REV3L: variants seen among roughly 807,000 people sequenced by gnomAD.
REV3L encodes the protein DNA polymerase zeta catalytic subunit.
REV3L carries 69 observed loss-of-function variants against 299.4 expected under a neutral mutation model. The observed-to-expected ratio is 0.23, with a 90% CI of 0.19 to 0.28. The LOEUF is 0.28. REV3L is among the 10% of genes least tolerant of loss of function. The probability of loss-of-function intolerance (pLI) is 1.00; values close to 1 mark genes in which losing one functional copy is unlikely to be tolerated. For synonymous variants in REV3L, 1,238 were observed against 1,271.4 expected, an observed-to-expected ratio of 0.97 and a Z score of 0.56; for missense variants, 3,128 against 3,693.8, an observed-to-expected ratio of 0.85 and a Z score of 3.97.
intron 20 of REV3L, among the ~76,000 whole-genome samples, chr6:111,346,399 T>C (rs577721601): frequency 6.6e-6 from 1 of 152,254 alleles, no homozygotes; most frequent in Non-Finnish European, 1.5e-5. Context: ...TCAAAGTCCA[T>C]AAGGAAACTG....
At chr6:111,387,560 T>C (rs772675039) in intron 9 of REV3L, among the ~76,000 whole-genome samples, 2 of 152,148 alleles carry the variant, frequency 1.3e-5, no homozygotes, top group Non-Finnish European at 1.5e-5. Flanking sequence ...TATAAAATTA[T>C]ATATGGTAAC....
chr6:111,324,805 AT>A lies in REV3L; in HGVS notation c.8242-2128del, dbSNP rs376409613. Among the ~76,000 whole-genome samples, 64 of 152,204 alleles carry A rather than the reference AT, an allele frequency of 4.2e-4. No individual in the cohort carries two copies. In the East Asian group the frequency reaches 0.011, roughly 26 times the overall value. On this transcript the variant is annotated intron_variant, in intron 25 of 31. Transcript: ENST00000368802. Reference sequence around the variant, plus strand: ...TACTTCATTAAAGGGCTAAGAGAGGATTTAAAAGAGGAAAAGAAATGGTTTC... The same window carrying A: ...TACTTCATTAAAGGGCTAAGAGAGGATTAAAAGAGGAAAAGAAATGGTTTC...
intron 4 of REV3L, among the ~76,000 whole-genome samples, chr6:111,400,099 TC>T (rs1371611190): frequency 6.6e-6 from 1 of 152,232 alleles, no homozygotes; most frequent in African/African-American, 2.4e-5. Flanking sequence ...AATTGTTTGT[TC>T]CTTTTTATCA....
At chr6:111,303,868 A>C (rs113648982) in intron 31 of REV3L, among the ~76,000 whole-genome samples, 1,833 of 151,082 alleles carry the variant, frequency 0.012, 30 homozygotes, top group African/African-American at 0.043. Flanking sequence ...TACAAGGCTC[A>C]TGCCACCATG....
rs755498384 is a variant in REV3L at position 111,307,574 on chromosome 6, T to C, written c.9043-4A>G. 1.9e-6 allele frequency: 3 copies of C among 1,613,976 alleles called. No individual in the cohort carries two copies. The African/African-American group carries it at 4.0e-5, about 22-fold the overall frequency. On this transcript the variant is annotated splice_polypyrimidine_tract_variant and splice_region_variant and intron_variant, in intron 30 of 31. Coordinates refer to ENST00000368802, the MANE Select transcript of REV3L (RefSeq NM_001372078.1). ...AGGAGCTGGTAGCTTTATGGATCTA[T>C]AAAAACATCCATTCAGAAGTAAGCC...
At chr6:111,342,412 T>TA (rs1297102476) in intron 21 of REV3L, among the ~76,000 whole-genome samples, 1 of 152,128 alleles carries the variant, frequency 6.6e-6, no homozygotes, top group African/African-American at 2.4e-5. Flanking sequence ...CTCATGCCTG[T>TA]AATCCCAGCA....
chr6:111,440,587 C>A (rs936298854), intron 1 of REV3L, among the ~76,000 whole-genome samples: 3 of 152,178 alleles, frequency 2.0e-5, no homozygotes, highest in African/African-American at 7.2e-5. Context: ...TAAGCTATAA[C>A]TGAATGCATT....
At chr6:111,450,062 A>G (rs1236932065) in intron 1 of REV3L, among the ~76,000 whole-genome samples, 1 of 152,256 alleles carries the variant, frequency 6.6e-6, no homozygotes, top group Non-Finnish European at 1.5e-5. Flanking sequence ...AAATAAATGA[A>G]GAGGAAAAAT....
rs575474792 is a variant in REV3L at position 111,382,574 on chromosome 6, C to T, written c.1097-1130G>A. 7.6e-4 allele frequency among the ~76,000 whole-genome samples: 115 copies of T among 152,282 alleles called. 1 individual carries two copies. Among genetic ancestry groups the T allele is most frequent in the African/African-American group, 2.7e-3 (111 of 41,560 alleles). ...CCCAGCCAGAGGGAAACTGCCCATC[C>T]CAGCAGTCCAGAACCTGAGTTGCAG... On this transcript the variant is annotated intron_variant, in intron 9 of 31. Coordinates refer to ENST00000368802, the MANE Select transcript of REV3L (RefSeq NM_001372078.1).
chr6:111,344,972 C>T (rs1335296710), intron 20 of REV3L, among the ~76,000 whole-genome samples: 1 of 152,168 alleles, frequency 6.6e-6, no homozygotes, highest in Admixed American at 6.5e-5. Context: ...AACAATGGCA[C>T]TACAATGCAG....
At chr6:111,419,887 C>G (rs1221850045) in intron 1 of REV3L, among the ~76,000 whole-genome samples, 3 of 152,054 alleles carry the variant, frequency 2.0e-5, no homozygotes, top group Admixed American at 2.0e-4. Context: ...CTCTGTCACC[C>G]AGGCTGGAGT....
intron 24 of REV3L, 102 bp downstream of exon 24, chr6:111,331,574 G>A (rs191453898): frequency 7.6e-5 from 49 of 644,692 alleles, no homozygotes; most frequent in African/African-American, 3.4e-4. Context: ...AAGCAAACTC[G>A]GTGTTTTTGT....
In REV3L at chr6:111,483,154, G is replaced by C; in HGVS notation, c.-266C>G. The stretch of plus-strand genomic sequence containing the variant: ...TGGTGCTGCCGCCACTGCCGCCACC[G>C]CCGGGAATCACACGGGCTCCTCGGT... On this transcript the variant is annotated 5_prime_UTR_variant, in exon 1 of 32. Coordinates refer to ENST00000368802, the MANE Select transcript of REV3L (RefSeq NM_001372078.1). The C allele has an allele frequency of 2.0e-6, 1 of 488,904 alleles. No individual in the cohort carries two copies. The highest frequency in any genetic ancestry group is 3.5e-6 in the Non-Finnish European group (1 of 282,348). 30.3% of individuals were successfully genotyped at this position (488,904 alleles called of 1,614,324 possible).
intron 31 of REV3L, among the ~76,000 whole-genome samples, chr6:111,303,893 G>T (rs535943875): frequency 1.7e-4 from 26 of 150,578 alleles, no homozygotes; most frequent in Admixed American, 1.3e-3. Context: ...GCTAATTTTT[G>T]TATTTTTTAG....
At chr6:111,425,046 A>T (rs1786006059) in intron 1 of REV3L, among the ~76,000 whole-genome samples, 1 of 152,168 alleles carries the variant, frequency 6.6e-6, no homozygotes, top group South Asian at 2.1e-4. Flanking sequence ...CCTCTGGTTG[A>T]TCTTGAGGCT....
chr6:111,400,907 G>A (rs1783022856), intron 4 of REV3L, among the ~76,000 whole-genome samples: 1 of 152,158 alleles, frequency 6.6e-6, no homozygotes. Context: ...CGTATAAGGT[G>A]TGAAGAACAT....
In REV3L at chr6:111,375,416, A is replaced by G; in HGVS notation, c.2939T>C (p.Ile980Thr). The G allele has an allele frequency of 6.3e-7, 1 of 1,598,588 alleles. No individual in the cohort carries two copies. The highest frequency in any genetic ancestry group is 8.5e-7 in the Non-Finnish European group (1 of 1,175,196). Residue 980 changes from isoleucine (I) to threonine (T), a missense_variant, in exon 13 of 32, where the codon ATT becomes ACT. Physicochemically the swap from Ile to Thr is moderately conservative, Grantham distance 89. This residue lies in a region of REV3L where 2,409 missense variants were observed against 2,611.8 expected (regional missense o/e 0.92). Transcript: ENST00000368802. ...KLPPVIIKYI[I>T]INRFRGRKNM... ...TTTTCTCCCTCTAAATCTATTAATA[A>G]TAATATACTTTATGATGACAGGGGG...
At chr6:111,440,112 G>A (rs548864738) in intron 1 of REV3L, among the ~76,000 whole-genome samples, 4 of 152,160 alleles carry the variant, frequency 2.6e-5, no homozygotes, top group Admixed American at 2.6e-4. Context: ...TGTTGCCCAG[G>A]CTGGAGTACA....
Position 111,373,581 on chromosome 6 carries a change from TTTG to T in REV3L, c.4771_4773del (p.Gln1591del). On this transcript the variant is annotated inframe_deletion, in exon 13 of 32. Transcript: ENST00000368802. Reference sequence around the variant, plus strand: ...TTGAGAAGTTTGGGGATTTTTTCTTTTTGTTTTGTACTTCTGGGAGTTCGAGGT... The same window carrying T: ...TTGAGAAGTTTGGGGATTTTTTCTTTTTTTGTACTTCTGGGAGTTCGAGGT... The T allele has an allele frequency of 6.2e-7, 1 of 1,614,004 alleles. No homozygotes were observed. The highest frequency in any genetic ancestry group is 8.5e-7 in the Non-Finnish European group (1 of 1,179,976).
Sources: gnomAD v4.1 joint callset for allele counts (sites outside exome capture counted in the v4.1 genomes callset) on GRCh38, gnomAD v4.1.1 for gene constraint, gnomAD v4.1.1 regional missense constraint, MANE v1.5 for transcripts, NCBI Gene and HGNC (gene_info 2026-07-23, HGNC 2026-07-21) for gene names.